WSCD2: variants seen among roughly 807,000 people sequenced by gnomAD.
WSCD2 encodes sialate:O-sulfotransferase 2.
A neutral mutation model predicts 55.7 loss-of-function variants in WSCD2; 28 were observed. The ratio of observed to expected loss-of-function variants is 0.50; its 90% CI spans 0.37 to 0.69. The LOEUF (loss-of-function observed/expected upper bound fraction) is 0.69, where lower values mean the gene tolerates loss of function less well. WSCD2 is among the 30% of genes least tolerant of loss of function. The pLI is 0.00. For missense variants in WSCD2, 616 were observed against 762.1 expected (o/e 0.81, Z 2.26); for synonymous variants, 301 against 301.9 (o/e 1.00, Z 0.03).
chr12:108,228,896 G>A (rs549845237), intron 6 of WSCD2, among the ~76,000 whole-genome samples: 13 of 152,278 alleles, frequency 8.5e-5, no homozygotes, highest in South Asian at 2.1e-4. Flanking sequence ...GTTAGCTTTC[G>A]GGGAAGTGCT....
chr12:108,232,727 T>G lies in WSCD2; in HGVS notation c.980-4T>G. 1 of 1,609,142 alleles carries G rather than the reference T, an allele frequency of 6.2e-7. No homozygotes were observed. ...GACCTCTGTCCATGCTCCGCCCTTT[T>G]CAGACAACCGTTGCATGGACAGAAG... On this transcript the variant is annotated splice_region_variant and splice_polypyrimidine_tract_variant and intron_variant, in intron 6 of 8. Transcript: ENST00000547525.
chr12:108,157,954 G>A (rs1489551081), intron 1 of WSCD2, among the ~76,000 whole-genome samples: 1 of 152,120 alleles, frequency 6.6e-6, no homozygotes, highest in Non-Finnish European at 1.5e-5. Flanking sequence ...CAATTATCTA[G>A]TAACTTGTAG....
At chr12:108,235,270 A>T (rs2137206749) in intron 7 of WSCD2, among the ~76,000 whole-genome samples, 1 of 152,298 alleles carries the variant, frequency 6.6e-6, no homozygotes, top group East Asian at 1.9e-4. Context: ...TAAAATAGAC[A>T]TTTTTTAAAT....
chr12:108,231,308 C>A (rs58956288), intron 6 of WSCD2, among the ~76,000 whole-genome samples: 1 of 152,072 alleles, frequency 6.6e-6, no homozygotes, highest in Non-Finnish European at 1.5e-5. Flanking sequence ...TCTGCTCCAG[C>A]GCCCCCTGCT....
rs1458405674 is a variant in WSCD2, at chr12:108,140,839, G to A, written c.-552+10913G>A. Among the ~76,000 whole-genome samples, 23 of 152,182 alleles carry A rather than the reference G, an allele frequency of 1.5e-4. 1 individual carries two copies. Among genetic ancestry groups the A allele is most frequent in the Admixed American group, 1.4e-3 (21 of 15,276 alleles). On this transcript the variant is annotated intron_variant, in intron 1 of 8. Transcript: ENST00000547525. ...CTGGAAGGGGTCCCAGGGAGCAGCC[G>A]GCCAGCCCTCCCACCCCCTGGGCAT...
chr12:108,205,041 A>G lies in WSCD2; in HGVS notation c.383-1248A>G, dbSNP rs543729323. Among the ~76,000 whole-genome samples the G allele has an allele frequency of 3.9e-5, 6 of 152,322 alleles. No homozygotes were observed. In the South Asian group the frequency reaches 1.2e-3, roughly 32 times the overall value. ...GGGGGTCTCATAGACCTGGATTTAA[A>G]CATTTATTCTGTGAACAATTAGCTA... On this transcript the variant is annotated intron_variant, in intron 2 of 8. Transcript: ENST00000547525.
intron 5 of WSCD2, among the ~76,000 whole-genome samples, chr12:108,225,258 G>A (rs539148804): frequency 7.4e-4 from 113 of 152,264 alleles, no homozygotes; most frequent in South Asian, 3.7e-3. Context: ...GCAAAGGCAC[G>A]TCTTACATGG....
intron 1 of WSCD2, among the ~76,000 whole-genome samples, chr12:108,172,050 T>C (rs1408646852): frequency 3.3e-5 from 5 of 152,236 alleles, no homozygotes; most frequent in Non-Finnish European, 7.3e-5. Flanking sequence ...ATATGATTTC[T>C]AGGGTTTTTG....
chr12:108,193,508 TGTATA>T (rs1317872476), intron 1 of WSCD2, among the ~76,000 whole-genome samples: 1 of 151,776 alleles, frequency 6.6e-6, no homozygotes, highest in Non-Finnish European at 1.5e-5. Flanking sequence ...GATGAATGGA[TGTATA>T]GTTGGACAGA....
intron 8 of WSCD2, among the ~76,000 whole-genome samples, chr12:108,243,633 G>T (rs1210892939): frequency 6.6e-6 from 1 of 152,184 alleles, no homozygotes; most frequent in Non-Finnish European, 1.5e-5. Flanking sequence ...GTGGCCTGTG[G>T]ACCAGCAACA....
At chr12:108,167,168 G>A (rs975852619) in intron 1 of WSCD2, among the ~76,000 whole-genome samples, 1 of 152,036 alleles carries the variant, frequency 6.6e-6, no homozygotes, top group Non-Finnish European at 1.5e-5. Flanking sequence ...CAGTTTGCTC[G>A]TCTCGTAAGT....
At position 108,197,541 on chromosome 12, in the gene WSCD2, G is replaced by A. The variant is rs142745110; in HGVS notation, c.382+1327G>A. ...GCCTCAGTTTTGAAATCTGTAAAATGGGGATTTTACTGGATGCTCCTGAGA... is the reference window on the plus strand; with the variant it reads ...GCCTCAGTTTTGAAATCTGTAAAATAGGGATTTTACTGGATGCTCCTGAGA... On this transcript the variant is annotated intron_variant, in intron 2 of 8. Transcript: ENST00000547525. Among the ~76,000 whole-genome samples, 1,020 of 152,268 alleles carry A rather than the reference G, an allele frequency of 6.7e-3. 22 individuals carry two copies. Among genetic ancestry groups the A allele is most frequent in the African/African-American group, 0.024 (980 of 41,558 alleles).
chr12:108,135,166 A>ATCCATCCG (rs368838566), intron 1 of WSCD2, among the ~76,000 whole-genome samples: 3,476 of 152,200 alleles, frequency 0.023, 120 homozygotes, highest in African/African-American at 0.078. Context: ...CCATCCATCC[A>ATCCATCCG]TCCTTCCATG....
rs114409113 is a variant in WSCD2, at chr12:108,193,567, T to C, written c.-551-1715T>C. 5.6e-3 allele frequency among the ~76,000 whole-genome samples: 855 copies of C among 152,096 alleles called. 8 individuals are homozygous for C. The highest frequency in any genetic ancestry group is 0.018 in the African/African-American group (728 of 41,478). On this transcript the variant is annotated intron_variant, in intron 1 of 8. Coordinates refer to ENST00000547525, the MANE Select transcript of WSCD2 (RefSeq NM_014653.4). Reference sequence around the variant, plus strand: ...GTAGGTGGATGGATGGTTCAATGAATAGATGGGTAGGTGAACTGCCGGAAG... The same window carrying C: ...GTAGGTGGATGGATGGTTCAATGAACAGATGGGTAGGTGAACTGCCGGAAG...
intron 8 of WSCD2, among the ~76,000 whole-genome samples, chr12:108,246,166 C>T (rs1005038024): frequency 1.3e-5 from 2 of 152,260 alleles, no homozygotes; most frequent in African/African-American, 2.4e-5. Context: ...CAAGTCACTT[C>T]ACCTCTCTGA....
chr12:108,180,362 C>G (rs1753811274), intron 1 of WSCD2, among the ~76,000 whole-genome samples: 1 of 152,168 alleles, frequency 6.6e-6, no homozygotes, highest in Admixed American at 6.5e-5. Context: ...GTCTTTTCAG[C>G]CAAGGAGGGA....
chr12:108,169,930 A>G (rs917103122), intron 1 of WSCD2, among the ~76,000 whole-genome samples: 6 of 152,198 alleles, frequency 3.9e-5, no homozygotes, highest in African/African-American at 1.2e-4. Flanking sequence ...TAAAGACCCA[A>G]GGGAGGTTAT....
intron 8 of WSCD2, among the ~76,000 whole-genome samples, chr12:108,243,988 T>C (rs1889928203): frequency 6.6e-6 from 1 of 152,238 alleles, no homozygotes; most frequent in African/African-American, 2.4e-5. Context: ...TTTTATGTGA[T>C]ATGATTATAC....
intron 1 of WSCD2, among the ~76,000 whole-genome samples, chr12:108,145,874 G>T (rs1199250858): frequency 6.6e-6 from 1 of 152,146 alleles, no homozygotes; most frequent in African/African-American, 2.4e-5. Context: ...CTACAAAAGG[G>T]CACATACTAC....
Sources: gnomAD v4.1 joint callset for allele counts (sites outside exome capture counted in the v4.1 genomes callset) on GRCh38, gnomAD v4.1.1 for gene constraint, MANE v1.5 for transcripts, NCBI Gene and HGNC (gene_info 2026-07-23, HGNC 2026-07-21) for gene names.